The following THSD7A variants were observed in gnomAD, a reference collection of about 807,000 sequenced individuals.
The protein encoded by THSD7A is thrombospondin type-1 domain-containing protein 7A.
A neutral mutation model predicts 231.3 loss-of-function variants in THSD7A; 96 were observed. That is an observed-to-expected ratio of 0.41 (90% CI 0.35 to 0.49). The LOEUF is 0.49. Among genes scored for constraint, THSD7A ranks in the 20% least tolerant of loss-of-function variants. The pLI is 0.05. For missense variants in THSD7A, 2,290 were observed against 2,070.2 expected, an observed-to-expected ratio of 1.11 and a Z score of -2.06; for synonymous variants, 940 against 743.3, an observed-to-expected ratio of 1.26 and a Z score of -4.30.
intron 1 of THSD7A, among the ~76,000 whole-genome samples, chr7:11,740,891 A>G (rs1782090389): frequency 6.6e-6 from 1 of 152,028 alleles, no homozygotes. Flanking sequence ...TAAGCACTAC[A>G]TAAATATTTG....
intron 2 of THSD7A, among the ~76,000 whole-genome samples, chr7:11,603,615 C>T (rs1445771982): frequency 4.0e-5 from 6 of 151,730 alleles, no homozygotes; most frequent in African/African-American, 1.5e-4. Flanking sequence ...ATAGCAAAGA[C>T]TTGGAACCAA....
intron 8 of THSD7A, among the ~76,000 whole-genome samples, chr7:11,473,768 G>T (rs576428654): frequency 6.6e-6 from 1 of 152,210 alleles, no homozygotes; most frequent in South Asian, 2.1e-4. Flanking sequence ...CTGAGAAAAT[G>T]ATAGTTTTTC....
chr7:11,495,099 G>T (rs988478910), intron 6 of THSD7A, among the ~76,000 whole-genome samples: 1 of 151,900 alleles, frequency 6.6e-6, no homozygotes. Flanking sequence ...GACCTTTGAT[G>T]CATTTCTTTT....
At chr7:11,419,724 G>C (rs959848112) in intron 16 of THSD7A, among the ~76,000 whole-genome samples, 1 of 152,204 alleles carries the variant, frequency 6.6e-6, no homozygotes, top group East Asian at 1.9e-4. Context: ...GGAACGTTTG[G>C]AACTTCCTAA....
At chr7:11,510,915 T>A (rs965975756) in intron 6 of THSD7A, among the ~76,000 whole-genome samples, 4 of 152,106 alleles carry the variant, frequency 2.6e-5, no homozygotes, top group Admixed American at 2.6e-4. Context: ...TTCAACACAG[T>A]GTTGGAAGTT....
At chr7:11,404,037 T>G (rs1039799298) in intron 22 of THSD7A, among the ~76,000 whole-genome samples, 2 of 152,110 alleles carry the variant, frequency 1.3e-5, no homozygotes, top group African/African-American at 4.8e-5. Flanking sequence ...AAGAGCAGCC[T>G]CCTAGATTTG....
At position 11,411,464 on chromosome 7, in the gene THSD7A, G is replaced by A. The variant is rs1316249394; in HGVS notation, c.3683-142C>T. ...CAATCATCCCCCATGCAGAGCATAT[G>A]GGTCCCAGCTTTGAACGTATCAGGA... On this transcript the variant is annotated intron_variant, in intron 18 of 27. Coordinates refer to ENST00000423059, the MANE Select transcript of THSD7A (RefSeq NM_015204.3). The surrounding 1 kb of genome is among the most constrained non-coding windows in gnomAD (Gnocchi z 4.1). 1.6e-6 allele frequency: 1 copy of A among 619,178 alleles called. No individual in the cohort carries two copies. Among genetic ancestry groups the A allele is most frequent in the African/African-American group, 1.8e-5 (1 of 54,226 alleles). The allele number at this position is 619,178 out of a possible 1,614,324, so 38.4% of individuals were successfully genotyped here. A position where few individuals can be genotyped will look rare whatever the true frequency, so the allele number is the denominator to read the frequency against.
At chr7:11,726,334 C>T (rs1307660195) in intron 1 of THSD7A, among the ~76,000 whole-genome samples, 1 of 152,014 alleles carries the variant, frequency 6.6e-6, no homozygotes, top group Non-Finnish European at 1.5e-5. Context: ...CTCATCTACA[C>T]CTTCTACCAC....
chr7:11,811,778 A>G (rs780611430), intron 1 of THSD7A, among the ~76,000 whole-genome samples: 46 of 152,348 alleles, frequency 3.0e-4, no homozygotes, highest in Admixed American at 7.8e-4. Flanking sequence ...GTGGACAAAT[A>G]TAATGATGCT....
chr7:11,828,237 T>C (rs1315135626), intron 1 of THSD7A, among the ~76,000 whole-genome samples: 1 of 152,238 alleles, frequency 6.6e-6, no homozygotes, highest in East Asian at 1.9e-4. Flanking sequence ...ACTCACTGGA[T>C]TGGCATGAAA....
At chr7:11,434,112 C>G (rs1784559388) in intron 13 of THSD7A, among the ~76,000 whole-genome samples, 1 of 151,990 alleles carries the variant, frequency 6.6e-6, no homozygotes, top group Non-Finnish European at 1.5e-5. Context: ...CTTCTCTGCT[C>G]AGATCATTTT....
chr7:11,524,836 A>G (rs770726276), intron 6 of THSD7A, among the ~76,000 whole-genome samples: 76 of 152,198 alleles, frequency 5.0e-4, no homozygotes, highest in Non-Finnish European at 1.0e-4. Context: ...GTATACTCCA[A>G]ATCAACATGA....
chr7:11,487,834 T>A (rs1017790922), intron 6 of THSD7A, among the ~76,000 whole-genome samples: 2 of 152,024 alleles, frequency 1.3e-5, no homozygotes, highest in Admixed American at 6.6e-5. Flanking sequence ...CCTTGACACG[T>A]GGGGATTATT....
At chr7:11,680,849 G>A (rs780965784) in intron 1 of THSD7A, among the ~76,000 whole-genome samples, 7 of 152,068 alleles carry the variant, frequency 4.6e-5, no homozygotes, top group South Asian at 2.1e-4. Context: ...TCCCATCACC[G>A]AGTGTATACC....
intron 6 of THSD7A, among the ~76,000 whole-genome samples, chr7:11,518,246 A>G (rs1257479468): frequency 6.6e-6 from 1 of 152,200 alleles, no homozygotes; most frequent in Non-Finnish European, 1.5e-5. Context: ...ACAAGAGGAA[A>G]GCACCAGAGA....
chr7:11,800,442 G>C (rs56108252), intron 1 of THSD7A, among the ~76,000 whole-genome samples: 2 of 152,174 alleles, frequency 1.3e-5, no homozygotes, highest in Non-Finnish European at 1.5e-5. Context: ...CCAGCTATTC[G>C]GGAGGCTGAG....
chr7:11,671,455 A>T (rs1783389595), intron 1 of THSD7A, among the ~76,000 whole-genome samples: 1 of 152,186 alleles, frequency 6.6e-6, no homozygotes, highest in African/African-American at 2.4e-5. Flanking sequence ...AATATGTAAG[A>T]CATTCCTCTT....
intron 1 of THSD7A, among the ~76,000 whole-genome samples, chr7:11,725,731 T>C (rs776489730): frequency 2.6e-5 from 4 of 152,004 alleles, no homozygotes; most frequent in Non-Finnish European, 5.9e-5. Flanking sequence ...ATATATTGTA[T>C]TGATTTAAAC....
chr7:11,391,559 C>G (rs1433788929), intron 23 of THSD7A, among the ~76,000 whole-genome samples: 1 of 152,150 alleles, frequency 6.6e-6, no homozygotes, highest in African/African-American at 2.4e-5. Flanking sequence ...CCAGCCAGAC[C>G]ACTTGGCCCC....
Sources: gnomAD v4.1 joint callset for allele counts (sites outside exome capture counted in the v4.1 genomes callset) on GRCh38, gnomAD v4.1.1 for gene constraint, Gnocchi (gnomAD v3.1) non-coding constraint, MANE v1.5 for transcripts, NCBI Gene and HGNC (gene_info 2026-07-23, HGNC 2026-07-21) for gene names.